TOX3: variants seen among roughly 807,000 people sequenced by gnomAD.
TOX3 encodes TOX high mobility group box family member 3, also known as CAG trinucleotide repeat-containing gene F9 protein.
A neutral mutation model predicts 64.3 loss-of-function variants in TOX3; 22 were observed. The ratio of observed to expected loss-of-function variants is 0.34; its 90% CI spans 0.24 to 0.49. The LOEUF is 0.49. TOX3 is among the 20% of genes least tolerant of loss of function. TOX3 has a pLI of 0.99. For synonymous variants in TOX3, 291 were observed against 273.6 expected, an observed-to-expected ratio of 1.06 and a Z score of -0.63; for missense variants, 661 against 714.4, an observed-to-expected ratio of 0.93 and a Z score of 0.85.
rs1168498170 is a variant in TOX3 at position 52,465,005 on chromosome 16, C to CTTTTTTTTTTTTTTTTTT, written c.154-835_154-818dup. ...AGACCTAAGTAAGTCTTAATGCATT[C>CTTTTTTTTTTTTTTTTTT]TTTTTTTTTTTTTTTTTTTTTTTTT... On this transcript the variant is annotated intron_variant, in intron 2 of 6. Transcript: ENST00000219746. Among the ~76,000 whole-genome samples, 25 of 70,956 alleles carry CTTTTTTTTTTTTTTTTTT rather than the reference C, an allele frequency of 3.5e-4. 5 individuals carry two copies. The highest frequency in any genetic ancestry group is 1.8e-3 in the East Asian group (4 of 2,278). The allele number at this position is 70,956 out of a possible 152,430, so 46.5% of individuals were successfully genotyped here. A position where few individuals can be genotyped will look rare whatever the true frequency, so the allele number is the denominator to read the frequency against.
At chr16:52,522,276 A>C (rs1962628400) in intron 1 of TOX3, among the ~76,000 whole-genome samples, 1 of 152,226 alleles carries the variant, frequency 6.6e-6, no homozygotes, top group South Asian at 2.1e-4. Flanking sequence ...GTGGAACTTC[A>C]GCAGAGACAG....
rs1425662404 is a variant in TOX3 at position 52,440,748 on chromosome 16, C to CT, written c.988-781dup. Reference sequence around the variant, plus strand: ...ATTGGGTTATATGGTATTTTTCTTTCTTTCTTTTTTTTTTTTTTTTTTTTT... The same window carrying CT: ...ATTGGGTTATATGGTATTTTTCTTTCTTTTCTTTTTTTTTTTTTTTTTTTTT... On this transcript the variant is annotated intron_variant, in intron 6 of 6. Coordinates refer to ENST00000219746, the MANE Select transcript of TOX3 (RefSeq NM_001080430.4). Among the ~76,000 whole-genome samples, 130 of 89,428 alleles carry CT rather than the reference C, an allele frequency of 1.5e-3. 4 individuals carry two copies. The highest frequency in any genetic ancestry group is 3.9e-3 in the South Asian group (8 of 2,064). The allele number at this position is 89,428 out of a possible 152,430, so 58.7% of individuals were successfully genotyped here. A position where few individuals can be genotyped will look rare whatever the true frequency, so the allele number is the denominator to read the frequency against.
At chr16:52,483,168 C>T (rs140986258) in intron 1 of TOX3, among the ~76,000 whole-genome samples, 20 of 152,290 alleles carry the variant, frequency 1.3e-4, no homozygotes, top group Admixed American at 3.3e-4. Context: ...TCAACAACGA[C>T]GCACATCACC....
At position 52,536,676 on chromosome 16, in the gene TOX3, T is replaced by TATATACAC. The variant is rs1555488494; in HGVS notation, c.87+9960_87+9961insGTGTATAT. Among the ~76,000 whole-genome samples, 18 of 78,386 alleles carry TATATACAC rather than the reference T, an allele frequency of 2.3e-4. No homozygotes were observed. In the East Asian group the frequency reaches 3.3e-3, roughly 14 times the overall value. 51.4% of individuals were successfully genotyped at this position (78,386 alleles called of 152,430 possible). ...ATATATATATATATATATATATATA[T>TATATACAC]ACATGTGTATATATAGAACAAGATA... On this transcript the variant is annotated intron_variant, in intron 1 of 6. Coordinates refer to ENST00000219746, the MANE Select transcript of TOX3 (RefSeq NM_001080430.4).
intron 1 of TOX3, among the ~76,000 whole-genome samples, chr16:52,540,756 A>T (rs989134043): frequency 1.3e-5 from 2 of 152,140 alleles, no homozygotes; most frequent in African/African-American, 4.8e-5. Context: ...TTTTCATGTG[A>T]CGATGTGACA....
chr16:52,526,689 G>A (rs951772504), intron 1 of TOX3, among the ~76,000 whole-genome samples: 10 of 152,180 alleles, frequency 6.6e-5, no homozygotes, highest in African/African-American at 2.4e-4. Context: ...GGGAATTCCA[G>A]GCGTAGTAGA....
In TOX3 at chr16:52,546,670, G is replaced by C; in HGVS notation, c.54C>G (p.Phe18Leu). ...AAAGDPASLDFAQCLGYYGYS... is the reference protein window; with the variant it reads ...AAAGDPASLDLAQCLGYYGYS... ...AGCCGTAGTACCCCAGGCACTGCGC[G>C]AAGTCCAGGCTGGCAGGGTCCCCGG... The change falls in exon 1 of 7, where the codon TTC becomes TTG. Residue 18 changes from phenylalanine (F) to leucine (L), a missense_variant. By Grantham distance (22) the Phe-to-Leu change is conservative. Coordinates refer to ENST00000219746, the MANE Select transcript of TOX3 (RefSeq NM_001080430.4). 1 of 1,544,444 alleles carries C rather than the reference G, an allele frequency of 6.5e-7. No individual in the cohort carries two copies. Among genetic ancestry groups the C allele is most frequent in the Non-Finnish European group, 8.7e-7 (1 of 1,148,348 alleles).
At chr16:52,500,716 T>A (rs73588805) in intron 1 of TOX3, among the ~76,000 whole-genome samples, 2,140 of 152,332 alleles carry the variant, frequency 0.014, 60 homozygotes, top group African/African-American at 0.047. Flanking sequence ...CCATTTATCG[T>A]CTTATTTCTT....
At chr16:52,544,202 A>G (rs1204829348) in intron 1 of TOX3, among the ~76,000 whole-genome samples, 2 of 152,170 alleles carry the variant, frequency 1.3e-5, no homozygotes, top group African/African-American at 4.8e-5. Context: ...TAGTTTTTAC[A>G]TTTTCAGTAT....
chr16:52,479,798 A>G (rs1283740019), intron 1 of TOX3, among the ~76,000 whole-genome samples: 2 of 152,204 alleles, frequency 1.3e-5, no homozygotes, highest in African/African-American at 2.4e-5. Context: ...ATAAATCCCA[A>G]TATCGCTGGG....
chr16:52,459,923 C>G lies in TOX3; in HGVS notation c.408+4011G>C, dbSNP rs149196048. 4.4e-3 allele frequency among the ~76,000 whole-genome samples: 673 copies of G among 152,074 alleles called. 5 individuals are homozygous for G. Among genetic ancestry groups the G allele is most frequent in the African/African-American group, 0.015 (643 of 41,502 alleles). ...CCAAGTATAATAATAAAAAAAACTT[C>G]TAAAATAAGCCTGGTAATTTTAGAT... On this transcript the variant is annotated intron_variant, in intron 3 of 6. Transcript: ENST00000219746.
At chr16:52,495,118 G>C (rs1040145630) in intron 1 of TOX3, among the ~76,000 whole-genome samples, 1 of 152,060 alleles carries the variant, frequency 6.6e-6, no homozygotes, top group Non-Finnish European at 1.5e-5. Context: ...AGATAATACT[G>C]GTGCTAAACT....
chr16:52,546,773 C>G lies in TOX3; in HGVS notation c.-50G>C. ...GGCCGGGACTGGGGTTCGCCGGGGC[C>G]GGGACCCGCCTCCTCGCCGCCGCTA... On this transcript the variant is annotated 5_prime_UTR_variant, in exon 1 of 7. Coordinates refer to ENST00000219746, the MANE Select transcript of TOX3 (RefSeq NM_001080430.4). 9.1e-6 allele frequency: 13 copies of G among 1,435,208 alleles called. No individual in the cohort carries two copies. Among genetic ancestry groups the G allele is most frequent in the Non-Finnish European group, 1.2e-5 (13 of 1,094,784 alleles). 88.9% of individuals were successfully genotyped at this position (1,435,208 alleles called of 1,614,324 possible).
intron 1 of TOX3, among the ~76,000 whole-genome samples, chr16:52,516,341 A>G (rs1243479166): frequency 1.3e-5 from 2 of 152,220 alleles, no homozygotes; most frequent in East Asian, 1.9e-4. Context: ...AGATAGACAC[A>G]TAAATGAAAA....
At chr16:52,510,778 A>AAAAGAAG (rs574634087) in intron 1 of TOX3, among the ~76,000 whole-genome samples, 5 of 115,138 alleles carry the variant, frequency 4.3e-5, no homozygotes, top group African/African-American at 1.1e-4. Context: ...AAAAAAAAAA[A>AAAAGAAG]AAGAAGAAGA....
Position 52,478,450 on chromosome 16 carries a change from C to T in TOX3, c.88-9876G>A, listed in dbSNP as rs537391651. Among the ~76,000 whole-genome samples the T allele has an allele frequency of 2.0e-4, 30 of 152,282 alleles. No homozygotes were observed. In the South Asian group the frequency reaches 5.0e-3, roughly 25 times the overall value. ...CTTAGCTAAAAGGACCTCCATGTGC[C>T]CTCCTTGTCTCTTGCCCATTCTCTT... On this transcript the variant is annotated intron_variant, in intron 1 of 6. Coordinates refer to ENST00000219746, the MANE Select transcript of TOX3 (RefSeq NM_001080430.4).
chr16:52,516,533 C>T (rs553887735), intron 1 of TOX3, among the ~76,000 whole-genome samples: 1 of 152,120 alleles, frequency 6.6e-6, no homozygotes, highest in East Asian at 1.9e-4. Context: ...ACATTTTTTG[C>T]TCAAACTCCA....
At chr16:52,485,557 C>T (rs1961508616) in intron 1 of TOX3, among the ~76,000 whole-genome samples, 1 of 151,908 alleles carries the variant, frequency 6.6e-6, no homozygotes, top group African/African-American at 2.4e-5. Flanking sequence ...GTAACAGGTA[C>T]ATTAGAAGAC....
At chr16:52,474,531 T>A (rs1961150471) in intron 1 of TOX3, among the ~76,000 whole-genome samples, 1 of 151,818 alleles carries the variant, frequency 6.6e-6, no homozygotes, top group African/African-American at 2.4e-5. Flanking sequence ...ATGGGAGGAT[T>A]GCTTGAGCCC....
Sources: allele counts gnomAD v4.1 joint callset (sites outside exome capture counted in the v4.1 genomes callset), GRCh38; gene constraint gnomAD v4.1.1; transcripts MANE v1.5; gene names NCBI Gene and HGNC (gene_info 2026-07-23, HGNC 2026-07-21).